Variants in PODXL observed in about 807,000 individuals in gnomAD.
PODXL encodes the protein podocalyxin like, also known as podocalyxin.
Under a neutral mutation model 48.9 loss-of-function variants are expected in PODXL, and 20 were observed. That is an observed-to-expected ratio of 0.41 (90% confidence interval 0.29 to 0.59). PODXL has a LOEUF of 0.59. Among genes scored for constraint, PODXL ranks in the 20% least tolerant of loss-of-function variants. PODXL has a pLI of 0.31. For missense variants in PODXL, 606 were observed against 675.1 expected (o/e 0.90, Z 1.13); for synonymous variants, 295 against 287.4 (o/e 1.03, Z -0.27).
chr7:131,533,931 T>C (rs1798325229), intron 1 of PODXL, among the ~76,000 whole-genome samples: 1 of 152,132 alleles, frequency 6.6e-6, no homozygotes. Flanking sequence ...AGCAGGGTAA[T>C]AAAAGTAACA....
chr7:131,533,363 G>A (rs1038552975), intron 1 of PODXL, among the ~76,000 whole-genome samples: 2 of 152,210 alleles, frequency 1.3e-5, no homozygotes, highest in Admixed American at 1.3e-4. Flanking sequence ...GAGGGGCTGA[G>A]AGCTGCCCCC....
In PODXL at chr7:131,556,416, G is replaced by A; in HGVS notation, c.-57C>T. The stretch of plus-strand genomic sequence containing the variant: ...GCTGCGGTGCCGGCGGAGGATCCGC[G>A]CGTCCGGGCGGTAGGAGCGTGGGCG... On this transcript the variant is annotated 5_prime_UTR_variant, in exon 1 of 9. Coordinates refer to ENST00000378555, the MANE Select transcript of PODXL (RefSeq NM_001018111.3). 1 of 1,326,860 alleles carries A rather than the reference G, an allele frequency of 7.5e-7. No individual in the cohort carries two copies. The allele number at this position is 1,326,860 out of a possible 1,614,324, so 82.2% of individuals were successfully genotyped here. A position where few individuals can be genotyped will look rare whatever the true frequency, so the allele number is the denominator to read the frequency against.
rs1318465192 is a variant in PODXL at position 131,511,221 on chromosome 7, T to C, written c.313A>G (p.Thr105Ala). The part of the protein sequence containing the change: ...LAQQVSGPVN[T>A]TVARGGGSGN... The stretch of plus-strand genomic sequence containing the variant: ...GAGCCGCCTCCTCTAGCCACGGTAG[T>C]GTTGACTGGGCCTGAGACTTGCTGA... The change falls in exon 2 of 9, where the codon ACT (threonine) becomes GCT (alanine). Residue 105 changes from threonine to alanine, a missense_variant. By Grantham distance (58) the Thr-to-Ala change is moderately conservative (BLOSUM62 0). Transcript: ENST00000378555. 6.8e-6 allele frequency: 11 copies of C among 1,613,924 alleles called. No homozygotes were observed. Among genetic ancestry groups the C allele is most frequent in the Non-Finnish European group, 9.3e-6 (11 of 1,180,000 alleles).
At chr7:131,534,466 A>G (rs954790288) in intron 1 of PODXL, among the ~76,000 whole-genome samples, 4 of 151,234 alleles carry the variant, frequency 2.6e-5, no homozygotes, top group East Asian at 2.0e-4. Context: ...TGAGAGCTCT[A>G]TGTGAGGTCA....
chr7:131,545,377 T>C (rs891272907), intron 1 of PODXL, among the ~76,000 whole-genome samples: 1 of 152,228 alleles, frequency 6.6e-6, no homozygotes, highest in African/African-American at 2.4e-5. Context: ...TGTGAGTGTG[T>C]TGTTATAGCT....
In PODXL at chr7:131,518,039, G is replaced by A. The variant is rs1401776733; in HGVS notation, c.101-6606C>T. On this transcript the variant is annotated intron_variant, in intron 1 of 8. Transcript: ENST00000378555. ...CAGGTGTGAGCCATCGGGGCCGGCC[G>A]TATATCTCTCCTCTTATAAGGATAC... is the stretch of plus-strand genomic sequence containing the variant. Among the ~76,000 whole-genome samples the A allele has an allele frequency of 2.0e-5, 3 of 152,146 alleles. No individual in the cohort carries two copies. In the East Asian group the frequency reaches 5.8e-4, roughly 29 times the overall value.
rs140218137 is a variant in PODXL at position 131,532,056 on chromosome 7, C to T, written c.101-20623G>A. On this transcript the variant is annotated intron_variant, in intron 1 of 8. Transcript: ENST00000378555. ...ACCCAGGTTGCAGTGAGCTGGAGAT[C>T]GTGCTATTGCACTCCAGCCTGGGCA... Among the ~76,000 whole-genome samples the T allele has an allele frequency of 1.4e-3, 217 of 149,914 alleles. 1 individual carries two copies. The highest frequency in any genetic ancestry group is 5.1e-3 in the African/African-American group (209 of 40,690).
At chr7:131,523,510 GTC>G (rs915744729) in intron 1 of PODXL, among the ~76,000 whole-genome samples, 4 of 151,564 alleles carry the variant, frequency 2.6e-5, no homozygotes, top group African/African-American at 9.7e-5. Context: ...GTGAAACCCT[GTC>G]TCTACTAAAA....
chr7:131,539,447 C>T (rs1798437576), intron 1 of PODXL, among the ~76,000 whole-genome samples: 1 of 152,282 alleles, frequency 6.6e-6, no homozygotes, highest in Middle Eastern at 3.4e-3. Flanking sequence ...TGTCCAGTCT[C>T]AGTCTCCTGG....
chr7:131,540,993 C>T (rs1265419645), intron 1 of PODXL, among the ~76,000 whole-genome samples: 1 of 152,208 alleles, frequency 6.6e-6, no homozygotes, highest in Non-Finnish European at 1.5e-5. Flanking sequence ...TTCAGCTCTC[C>T]AAATTTCTAT....
intron 1 of PODXL, among the ~76,000 whole-genome samples, chr7:131,537,685 A>G (rs561742207): frequency 7.1e-6 from 1 of 141,406 alleles, no homozygotes; most frequent in Non-Finnish European, 1.5e-5. Context: ...CCAGCACCAG[A>G]TGGTGAAACT....
chr7:131,503,945 C>G lies in PODXL; in HGVS notation c.*366G>C. On this transcript the variant is annotated 3_prime_UTR_variant, in exon 9 of 9. Coordinates refer to ENST00000378555, the MANE Select transcript of PODXL (RefSeq NM_001018111.3). ...TGGAATCTTTGTTCTCATCCTGGCT[C>G]TGTCACCAAGTGGCTCTGACCTTGG... 3.3e-6 allele frequency: 1 copy of G among 303,366 alleles called. No homozygotes were observed. The highest frequency in any genetic ancestry group is 6.3e-6 in the Non-Finnish European group (1 of 159,314). 18.8% of individuals were successfully genotyped at this position (303,366 alleles called of 1,614,324 possible). A position where few individuals can be genotyped will look rare whatever the true frequency, so the allele number is the denominator to read the frequency against.
rs1163216153 is a variant in PODXL at position 131,556,269 on chromosome 7, A to AT, written c.90_91insA (p.Ser31IlefsTer13). The AT allele has an allele frequency of 6.9e-7, 1 of 1,449,746 alleles. No individual in the cohort carries two copies. 89.8% of individuals were successfully genotyped at this position (1,449,746 alleles called of 1,614,324 possible). On this transcript the variant is annotated frameshift_variant, in exon 1 of 9. Transcript: ENST00000378555. LOFTEE classifies it high-confidence loss of function. ...CAGGCCGGCCACTCACCATTCTGGG[A>AT]GGGCGACGGCGACGGCGACGGCGAC...
intron 1 of PODXL, among the ~76,000 whole-genome samples, chr7:131,535,468 G>A (rs912945078): frequency 1.3e-5 from 2 of 152,202 alleles, no homozygotes; most frequent in African/African-American, 4.8e-5. Context: ...CCTGTGTGCA[G>A]GAAAGAACAC....
chr7:131,546,470 A>G (rs1360778387), intron 1 of PODXL, among the ~76,000 whole-genome samples: 1 of 152,110 alleles, frequency 6.6e-6, no homozygotes, highest in Non-Finnish European at 1.5e-5. Flanking sequence ...TCACGTCTGT[A>G]ATTCCAGCAC....
At chr7:131,544,048 C>A (rs1798524845) in intron 1 of PODXL, among the ~76,000 whole-genome samples, 1 of 152,222 alleles carries the variant, frequency 6.6e-6, no homozygotes, top group Admixed American at 6.5e-5. Context: ...ACTGGGCCAG[C>A]TCCTCATTCA....
In PODXL at chr7:131,556,576, G is replaced by T; in HGVS notation, c.-217C>A. The T allele has an allele frequency of 2.7e-6, 1 of 367,918 alleles. No homozygotes were observed. The highest frequency in any genetic ancestry group is 4.4e-6 in the Non-Finnish European group (1 of 226,228). 22.8% of individuals were successfully genotyped at this position (367,918 alleles called of 1,614,324 possible). A position where few individuals can be genotyped will look rare whatever the true frequency, so the allele number is the denominator to read the frequency against. On this transcript the variant is annotated 5_prime_UTR_variant, in exon 1 of 9. Transcript: ENST00000378555. ...GGCGCAGAGCCAGTGGCAGAGGAGC[G>T]GCGGCGGCGGCGGCTGCGTCCTGGG...
At chr7:131,532,268 T>C (rs1046619422) in intron 1 of PODXL, among the ~76,000 whole-genome samples, 6 of 149,418 alleles carry the variant, frequency 4.0e-5, no homozygotes, top group South Asian at 2.1e-4. Flanking sequence ...ACCCCGTCTC[T>C]ATTAAAAGTA....
At chr7:131,509,100 G>C (rs1053387620) in intron 4 of PODXL, 72 bp from the exon 5 acceptor site, 1 of 1,332,826 alleles carries the variant, frequency 7.5e-7, no homozygotes. Context: ...CCCAACTAAG[G>C]GGTGACCCAG....
Sources: gnomAD v4.1 joint callset for allele counts (sites outside exome capture counted in the v4.1 genomes callset) on GRCh38, gnomAD v4.1.1 for gene constraint, MANE v1.5 for transcripts, NCBI Gene and HGNC (gene_info 2026-07-23, HGNC 2026-07-21) for gene names.